KAZN: variants seen among roughly 807,000 people sequenced by gnomAD.
The protein encoded by KAZN is kazrin.
A neutral mutation model predicts 87.4 loss-of-function variants in KAZN; 40 were observed. The ratio of observed to expected loss-of-function variants is 0.46; its 90% CI spans 0.36 to 0.60. The LOEUF (loss-of-function observed/expected upper bound fraction) is 0.60, where lower values mean the gene tolerates loss of function less well. KAZN is among the 20% of genes least tolerant of loss of function. KAZN has a pLI of 0.00. For missense variants in KAZN, 898 were observed against 1,073.9 expected, an observed-to-expected ratio of 0.84 and a Z score of 2.29; for synonymous variants, 466 against 458.3, an observed-to-expected ratio of 1.02 and a Z score of -0.22.
chr1:14,774,314 CA>C (rs1484328546), intron 1 of KAZN, among the ~76,000 whole-genome samples: 1 of 152,134 alleles, frequency 6.6e-6, no homozygotes, highest in Non-Finnish European at 1.5e-5. Flanking sequence ...GCCAACCCCA[CA>C]GGCTCATTAG....
intron 2 of KAZN, among the ~76,000 whole-genome samples, chr1:15,003,437 G>A (rs907591979): frequency 1.1e-4 from 17 of 152,122 alleles, no homozygotes; most frequent in Non-Finnish European, 1.9e-4. Context: ...GTCTACATAC[G>A]TCAAAGCTTA....
intron 2 of KAZN, among the ~76,000 whole-genome samples, chr1:14,334,552 GT>G (rs1156651475): frequency 3.3e-5 from 5 of 152,216 alleles, no homozygotes; most frequent in African/African-American, 1.2e-4. Flanking sequence ...TGGGAAATCA[GT>G]GGCCAGTTCA....
chr1:14,328,416 C>CT (rs1656596303), intron 2 of KAZN, among the ~76,000 whole-genome samples: 1 of 151,746 alleles, frequency 6.6e-6, no homozygotes, highest in Non-Finnish European at 1.5e-5. Context: ...TTAAGAAACT[C>CT]TAAGAGGCCA....
intron 1 of KAZN, among the ~76,000 whole-genome samples, chr1:14,647,404 G>A (rs1216445567): frequency 6.6e-6 from 1 of 152,172 alleles, no homozygotes; most frequent in Non-Finnish European, 1.5e-5. Context: ...TTTCTAAAGA[G>A]CTTTGCCTAT....
At chr1:14,655,873 A>G (rs932836197) in intron 1 of KAZN, among the ~76,000 whole-genome samples, 6 of 152,154 alleles carry the variant, frequency 3.9e-5, no homozygotes, top group Non-Finnish European at 8.8e-5. Flanking sequence ...CCAGCAAATG[A>G]GACACAGGGT....
At chr1:14,546,417 T>C (rs1673147371) in intron 2 of KAZN, among the ~76,000 whole-genome samples, 1 of 152,034 alleles carries the variant, frequency 6.6e-6, no homozygotes, top group South Asian at 2.1e-4. Flanking sequence ...TCCTGTCAAC[T>C]AGTTTAATGT....
chr1:14,626,209 C>T (rs1029285512), intron 1 of KAZN, among the ~76,000 whole-genome samples: 2 of 152,202 alleles, frequency 1.3e-5, no homozygotes, highest in Non-Finnish European at 2.9e-5. Context: ...ACACATTATA[C>T]GGAATTAATG....
chr1:14,833,585 C>T (rs776053155), intron 1 of KAZN, among the ~76,000 whole-genome samples: 9 of 152,184 alleles, frequency 5.9e-5, no homozygotes, highest in Non-Finnish European at 1.0e-4. Context: ...CCCCCAGGCC[C>T]TCATCATAAG....
At chr1:14,177,848 T>A (rs1340096028) in intron 1 of KAZN, among the ~76,000 whole-genome samples, 1 of 151,978 alleles carries the variant, frequency 6.6e-6, no homozygotes, top group East Asian at 1.9e-4. Flanking sequence ...TGCAGCCTTC[T>A]CTGTGTTCAT....
intron 1 of KAZN, among the ~76,000 whole-genome samples, chr1:14,152,710 G>A (rs1645502629): frequency 6.6e-6 from 1 of 152,314 alleles, no homozygotes. Flanking sequence ...GTACCTAGGA[G>A]TGGGATTGCT....
chr1:15,107,642 C>T (rs922491368), intron 13 of KAZN, among the ~76,000 whole-genome samples: 1 of 152,090 alleles, frequency 6.6e-6, no homozygotes, highest in Non-Finnish European at 1.5e-5. Context: ...GGCAAAGGAA[C>T]CAGTACATCA....
chr1:15,015,132 TTTTA>T (rs149046122), intron 2 of KAZN, among the ~76,000 whole-genome samples: 4,098 of 149,380 alleles, frequency 0.027, 152 homozygotes, highest in African/African-American at 0.085. Flanking sequence ...AGTTTTTTCT[TTTTA>T]TTTATTTATT....
chr1:15,051,168 G>A (rs535037377), intron 4 of KAZN, among the ~76,000 whole-genome samples: 74 of 152,362 alleles, frequency 4.9e-4, no homozygotes, highest in African/African-American at 1.7e-3. Flanking sequence ...TTCCCTAGAC[G>A]AGCACTCATC....
At chr1:15,065,598 C>A (rs12071695) in intron 7 of KAZN, 32 bp from the exon 8 acceptor site, 2 of 1,569,154 alleles carry the variant, frequency 1.3e-6, no homozygotes, top group African/African-American at 1.4e-5. Flanking sequence ...TCTTCTCCCC[C>A]ACCCTCTTCC....
chr1:14,643,606 T>G (rs1680574873), intron 1 of KAZN, among the ~76,000 whole-genome samples: 1 of 152,234 alleles, frequency 6.6e-6, no homozygotes, highest in Admixed American at 6.5e-5. Flanking sequence ...CTTTTGCTAT[T>G]GTGAATAGTT....
chr1:14,874,278 G>A (rs1343666383), intron 1 of KAZN, among the ~76,000 whole-genome samples: 1 of 152,210 alleles, frequency 6.6e-6, no homozygotes, highest in African/African-American at 2.4e-5. Context: ...TACTGAAAAG[G>A]AACAGCTGGT....
chr1:14,802,558 T>C (rs1360303831), intron 1 of KAZN, among the ~76,000 whole-genome samples: 2 of 152,116 alleles, frequency 1.3e-5, no homozygotes, highest in Non-Finnish European at 2.9e-5. Context: ...TCCTACTATA[T>C]GCACGGAACA....
In KAZN at chr1:14,077,710, A is replaced by G. The variant is rs772527107; in HGVS notation, c.92-102725A>G. Among the ~76,000 whole-genome samples, 5 of 152,346 alleles carry G rather than the reference A, an allele frequency of 3.3e-5. 1 individual carries two copies. The South Asian group carries it at 1.0e-3, about 32-fold the overall frequency. On this transcript the variant is annotated intron_variant, in intron 1 of 16. Transcript: ENST00000636203. ...AAATCCTAAGCCCTGGTACCTGTGAATGTGATCTTATTTAGGAACATAATC... is the reference window on the plus strand; with the variant it reads ...AAATCCTAAGCCCTGGTACCTGTGAGTGTGATCTTATTTAGGAACATAATC...
chr1:14,571,871 A>C (rs911637795), intron 2 of KAZN, among the ~76,000 whole-genome samples: 3 of 152,202 alleles, frequency 2.0e-5, no homozygotes, highest in Non-Finnish European at 4.4e-5. Flanking sequence ...TTAGCACCAG[A>C]GTGGGCTGAC....
Sources: allele counts gnomAD v4.1 joint callset (sites outside exome capture counted in the v4.1 genomes callset), GRCh38; gene constraint gnomAD v4.1.1; transcripts MANE v1.5; gene names NCBI Gene and HGNC (gene_info 2026-07-23, HGNC 2026-07-21).